Variants in TENM3 observed in about 807,000 individuals in gnomAD.
TENM3 encodes the protein teneurin transmembrane protein 3, also known as teneurin-3.
In TENM3, 63 loss-of-function variants were observed where a neutral mutation model predicts 255.1. That is an observed-to-expected ratio of 0.25 (90% CI 0.20 to 0.30). The LOEUF is 0.30. TENM3 is among the 10% of genes least tolerant of loss of function. TENM3 has a pLI of 1.00. For synonymous variants in TENM3, 1,306 were observed against 1,322.3 expected, an observed-to-expected ratio of 0.99 and a Z score of 0.27; for missense variants, 2,929 against 3,461.1, an observed-to-expected ratio of 0.85 and a Z score of 3.86.
intron 27 of TENM3, among the ~76,000 whole-genome samples, chr4:182,798,493 C>T (rs1252508342): frequency 6.6e-6 from 1 of 152,192 alleles, no homozygotes; most frequent in African/African-American, 2.4e-5. Flanking sequence ...TAAGTGCCCG[C>T]TATGATGTTC....
the TENM3 span, among the ~76,000 whole-genome samples, chr4:181,931,746 A>T: frequency 6.6e-6 from 1 of 152,356 alleles, no homozygotes; most frequent in East Asian, 1.9e-4. Flanking sequence ...TGGAGGCATC[A>T]TGCTACCTGA....
intron 1 of TENM3, among the ~76,000 whole-genome samples, chr4:182,218,349 T>A (rs1018975847): frequency 8.5e-5 from 13 of 152,216 alleles, no homozygotes; most frequent in Admixed American, 1.3e-4. Context: ...TAACAGGAAT[T>A]ATAATTGAAT....
chr4:182,767,908 A>C (rs572664943), intron 22 of TENM3, among the ~76,000 whole-genome samples: 3 of 152,198 alleles, frequency 2.0e-5, no homozygotes, highest in African/African-American at 4.8e-5. Context: ...CCTGCCCAGA[A>C]CAGGCTTGGT....
chr4:181,454,691 T>TTTTTTTTTTTTTC, the TENM3 span, among the ~76,000 whole-genome samples: 3 of 150,232 alleles, frequency 2.0e-5, no homozygotes, highest in Admixed American at 6.6e-5. Context: ...ACTTTTTTTT[T>TTTTTTTTTTTTTC]CTGGTGTGCC....
chr4:182,525,527 TC>T (rs1233302970), intron 3 of TENM3, among the ~76,000 whole-genome samples: 1 of 152,232 alleles, frequency 6.6e-6, no homozygotes, highest in Non-Finnish European at 1.5e-5. Flanking sequence ...TTTATACTTT[TC>T]AAAAAATCCA....
chr4:182,747,312 T>C lies in TENM3; in HGVS notation c.3629+3893T>C. Among the ~76,000 whole-genome samples the C allele has an allele frequency of 2.0e-5, 3 of 152,288 alleles. No homozygotes were observed. In the Middle Eastern group the frequency reaches 0.01, roughly 518 times the overall value. On this transcript the variant is annotated intron_variant, in intron 19 of 27. Transcript: ENST00000511685. ...AATAAAAATTAGTATAAAAACACAT[T>C]GTCTTATTTTAAAATTCAGAGAGTG...
the TENM3 span, among the ~76,000 whole-genome samples, chr4:181,546,671 G>A: frequency 0.021 from 2,848 of 135,136 alleles, 57 homozygotes; most frequent in South Asian, 0.068. Flanking sequence ...CCGAGATCGC[G>A]CCACTGCACT....
chr4:182,696,543 G>A (rs560893598), intron 12 of TENM3, among the ~76,000 whole-genome samples: 2 of 152,182 alleles, frequency 1.3e-5, no homozygotes, highest in Admixed American at 1.3e-4. Flanking sequence ...TGACCAACAT[G>A]GTGAATCCCC....
intron 1 of TENM3, among the ~76,000 whole-genome samples, chr4:182,245,154 T>G (rs1203130234): frequency 6.6e-6 from 1 of 152,184 alleles, no homozygotes; most frequent in African/African-American, 2.4e-5. Context: ...AATCATTCTC[T>G]TTTTGCCCAG....
the TENM3 span, among the ~76,000 whole-genome samples, chr4:182,094,411 A>G: frequency 7.9e-5 from 12 of 152,060 alleles, no homozygotes; most frequent in Admixed American, 7.2e-4. Context: ...ATGCCCAGCT[A>G]ATTTTTGTAC....
At chr4:182,455,807 C>A (rs1318627754) in intron 3 of TENM3, among the ~76,000 whole-genome samples, 5 of 152,132 alleles carry the variant, frequency 3.3e-5, no homozygotes, top group Non-Finnish European at 1.5e-5. Flanking sequence ...GGTGATCCAC[C>A]CGCCTCAGCC....
At chr4:182,624,674 A>C (rs1394582370) in intron 4 of TENM3, among the ~76,000 whole-genome samples, 2 of 151,450 alleles carry the variant, frequency 1.3e-5, no homozygotes, top group Non-Finnish European at 2.9e-5. Context: ...ACTCTATTTC[A>C]CTCAGCAGTC....
At chr4:181,750,576 T>C in the TENM3 span, among the ~76,000 whole-genome samples, 1 of 152,200 alleles carries the variant, frequency 6.6e-6, no homozygotes, top group Non-Finnish European at 1.5e-5. Context: ...AGGTCAGCCT[T>C]AGGAAAGCAC....
chr4:181,984,154 T>C, the TENM3 span, among the ~76,000 whole-genome samples: 1 of 152,200 alleles, frequency 6.6e-6, no homozygotes, highest in East Asian at 1.9e-4. Flanking sequence ...TTCTTTGCAT[T>C]TTCCTCTGAT....
chr4:182,579,861 A>G (rs1745317562), intron 3 of TENM3, among the ~76,000 whole-genome samples: 1 of 152,208 alleles, frequency 6.6e-6, no homozygotes, highest in Non-Finnish European at 1.5e-5. Flanking sequence ...TAATTGTGCT[A>G]TAATTCTCAT....
chr4:181,591,915 C>T, the TENM3 span, among the ~76,000 whole-genome samples: 1 of 151,094 alleles, frequency 6.6e-6, no homozygotes, highest in African/African-American at 2.4e-5. Flanking sequence ...CCCACAACAA[C>T]GTGGATGAAT....
intron 1 of TENM3, among the ~76,000 whole-genome samples, chr4:182,224,639 C>G (rs773953563): frequency 6.6e-6 from 1 of 152,028 alleles, no homozygotes; most frequent in Non-Finnish European, 1.5e-5. Flanking sequence ...GGGAAGTGTG[C>G]ACAGCCCATA....
chr4:181,627,726 G>T, the TENM3 span, among the ~76,000 whole-genome samples: 4 of 151,956 alleles, frequency 2.6e-5, no homozygotes, highest in Non-Finnish European at 4.4e-5. Context: ...TTCTTAATCC[G>T]GTCTATCATT....
the TENM3 span, among the ~76,000 whole-genome samples, chr4:182,095,567 A>G: frequency 6.6e-6 from 1 of 152,160 alleles, no homozygotes; most frequent in South Asian, 2.1e-4. Flanking sequence ...GGAAGAAAAG[A>G]GGGACTGATC....
Sources: gnomAD v4.1 joint callset for allele counts (sites outside exome capture counted in the v4.1 genomes callset) on GRCh38, gnomAD v4.1.1 for gene constraint, MANE v1.5 for transcripts, NCBI Gene and HGNC (gene_info 2026-07-23, HGNC 2026-07-21) for gene names.